MSI2: variants seen among roughly 807,000 people sequenced by gnomAD.
The protein encoded by MSI2 is musashi RNA binding protein 2, also known as RNA-binding protein Musashi homolog 2.
MSI2 carries 17 observed loss-of-function variants against 45.6 expected under a neutral mutation model. The observed-to-expected ratio is 0.37, with a 90% CI of 0.26 to 0.56. MSI2 has a LOEUF of 0.56. MSI2 is among the 20% of genes least tolerant of loss of function. MSI2 has a pLI of 0.77. For synonymous variants in MSI2, 156 were observed against 158.2 expected, an observed-to-expected ratio of 0.99 and a Z score of 0.11; for missense variants, 293 against 444.2, an observed-to-expected ratio of 0.66 and a Z score of 3.06.
At chr17:57,489,435 C>A (rs900134140) in intron 6 of MSI2, among the ~76,000 whole-genome samples, 6 of 152,180 alleles carry the variant, frequency 3.9e-5, no homozygotes, top group African/African-American at 1.4e-4. Flanking sequence ...AAGAGAAGAG[C>A]AGGTCTGCAG....
chr17:57,515,696 G>A (rs1224494507), intron 6 of MSI2, among the ~76,000 whole-genome samples: 1 of 152,168 alleles, frequency 6.6e-6, no homozygotes, highest in Non-Finnish European at 1.5e-5. Context: ...ATGTATTCAT[G>A]TGACAGAATA....
intron 7 of MSI2, among the ~76,000 whole-genome samples, chr17:57,591,652 G>C (rs1904842976): frequency 6.6e-6 from 1 of 151,776 alleles, no homozygotes; most frequent in African/African-American, 2.4e-5. Flanking sequence ...GCTTAAGCTT[G>C]GGAGATCAAG....
intron 6 of MSI2, chr17:57,450,284 A>AG: frequency 2.2e-5 from 1 of 45,132 alleles, no homozygotes; most frequent in African/African-American, 4.1e-5. Context: ...AGAAAGAAAG[A>AG]AAGAAAGAAA....
At chr17:57,620,684 C>A (rs1388146608) in intron 9 of MSI2, among the ~76,000 whole-genome samples, 2 of 152,170 alleles carry the variant, frequency 1.3e-5, no homozygotes, top group African/African-American at 4.8e-5. Flanking sequence ...TCTTGAGTAG[C>A]CACCTTCTGA....
intron 6 of MSI2, among the ~76,000 whole-genome samples, chr17:57,456,072 C>T (rs529559702): frequency 6.6e-6 from 1 of 152,308 alleles, no homozygotes; most frequent in East Asian, 1.9e-4. Flanking sequence ...GGAGATGCTA[C>T]CAAGGTGAGG....
intron 6 of MSI2, among the ~76,000 whole-genome samples, chr17:57,513,939 A>G (rs1201404828): frequency 6.6e-6 from 1 of 152,238 alleles, no homozygotes; most frequent in Non-Finnish European, 1.5e-5. Flanking sequence ...TGAATTAGGC[A>G]AAAATCTTCA....
chr17:57,591,209 C>T (rs1415350556), intron 7 of MSI2, among the ~76,000 whole-genome samples: 1 of 152,174 alleles, frequency 6.6e-6, no homozygotes, highest in Non-Finnish European at 1.5e-5. Flanking sequence ...CTTCATGAGG[C>T]TCCATTTCTG....
chr17:57,471,241 CAG>C (rs1380285691), intron 6 of MSI2, among the ~76,000 whole-genome samples: 1 of 148,732 alleles, frequency 6.7e-6, no homozygotes, highest in Non-Finnish European at 1.5e-5. Flanking sequence ...GCTCTGCTAA[CAG>C]ACTCAGCCAT....
chr17:57,401,136 A>G (rs936413309), intron 5 of MSI2, among the ~76,000 whole-genome samples: 1 of 152,110 alleles, frequency 6.6e-6, no homozygotes, highest in Non-Finnish European at 1.5e-5. Context: ...GTGGCTAATG[A>G]GGTTCTGAAG....
chr17:57,281,810 C>G (rs1174696772), intron 5 of MSI2, among the ~76,000 whole-genome samples: 1 of 152,058 alleles, frequency 6.6e-6, no homozygotes, highest in Non-Finnish European at 1.5e-5. Context: ...TGACAACTGC[C>G]GAGGCTACCA....
intron 5 of MSI2, among the ~76,000 whole-genome samples, chr17:57,271,248 T>C (rs1908333742): frequency 6.6e-6 from 1 of 152,230 alleles, no homozygotes. Context: ...TTGTCTGGGA[T>C]GAGTTTCTCT....
At chr17:57,349,821 T>C (rs929536066) in intron 5 of MSI2, among the ~76,000 whole-genome samples, 2 of 152,238 alleles carry the variant, frequency 1.3e-5, no homozygotes, top group African/African-American at 4.8e-5. Context: ...CAAAATTTTT[T>C]CTCCTTGAAG....
At chr17:57,626,234 G>A (rs118066173) in intron 9 of MSI2, 3,324 of 137,340 alleles carry the variant, frequency 0.024, 71 homozygotes, top group Non-Finnish European at 0.031. Context: ...GGCCGTGGTG[G>A]CATCTTAAGA....
At position 57,259,111 on chromosome 17, in the gene MSI2, G is replaced by A. The variant is rs191452232; in HGVS notation, c.270+757G>A. On this transcript the variant is annotated intron_variant, in intron 4 of 13. Coordinates refer to ENST00000284073, the MANE Select transcript of MSI2 (RefSeq NM_138962.4). ...GTCTGTATATAACAATACATTTAATGGGAGGGGGAGTGTGCAGTGTTTTAT... is the reference window on the plus strand; with the variant it reads ...GTCTGTATATAACAATACATTTAATAGGAGGGGGAGTGTGCAGTGTTTTAT... Among the ~76,000 whole-genome samples, 3 of 152,294 alleles carry A rather than the reference G, an allele frequency of 2.0e-5. No homozygotes were observed. The East Asian group carries it at 5.8e-4, about 29-fold the overall frequency.
At chr17:57,321,693 T>G (rs551791378) in intron 5 of MSI2, among the ~76,000 whole-genome samples, 1 of 152,252 alleles carries the variant, frequency 6.6e-6, no homozygotes, top group East Asian at 1.9e-4. Flanking sequence ...TTGGTCAAAT[T>G]AGGAAGGGCC....
At chr17:57,294,398 G>A (rs569991706) in intron 5 of MSI2, among the ~76,000 whole-genome samples, 2 of 152,316 alleles carry the variant, frequency 1.3e-5, no homozygotes, top group African/African-American at 4.8e-5. Context: ...GCAAAAGCTG[G>A]CGTGGCACTG....
chr17:57,690,354 T>G, the MSI2 span, among the ~76,000 whole-genome samples: 2 of 151,812 alleles, frequency 1.3e-5, no homozygotes, highest in Non-Finnish European at 2.9e-5. Context: ...CTTATGCCTG[T>G]AATCTCAGCA....
chr17:57,283,876 G>T (rs2143399317), intron 5 of MSI2, among the ~76,000 whole-genome samples: 1 of 152,340 alleles, frequency 6.6e-6, no homozygotes, highest in Non-Finnish European at 1.5e-5. Context: ...GGTGCGTGGG[G>T]ACGCATGGGA....
At position 57,596,941 on chromosome 17, in the gene MSI2, T is replaced by C. The variant is rs779863522; in HGVS notation, c.528T>C (p.Asn176=). 2.5e-6 allele frequency: 4 copies of C among 1,610,126 alleles called. No individual in the cohort carries two copies. In the East Asian group the frequency reaches 8.9e-5, roughly 36 times the overall value. ...GTGAGATTCATTTCCATGAAATCAA[T>C]AATAAAATGGTAAGTGTGTAGGGGT... The part of the protein sequence containing the change: ...KVCEIHFHEI[N]NKMVECKKAQ... The change falls in exon 8 of 14, where the codon AAT becomes AAC. Residue 176 remains asparagine, a synonymous_variant. Transcript: ENST00000284073. This position sits in a 1 kb window ranked among gnomAD's most constrained non-coding sequence, Gnocchi z 4.6.
Sources: allele counts gnomAD v4.1 joint callset (sites outside exome capture counted in the v4.1 genomes callset), GRCh38; gene constraint gnomAD v4.1.1; non-coding constraint Gnocchi (gnomAD v3.1); transcripts MANE v1.5; gene names NCBI Gene and HGNC (gene_info 2026-07-23, HGNC 2026-07-21).